The following TBCK variants were observed in gnomAD, a reference collection of about 807,000 sequenced individuals.
The protein encoded by TBCK is TBC1 domain containing kinase.
TBCK carries 99 observed loss-of-function variants against 113.4 expected under a neutral mutation model. The ratio of observed to expected loss-of-function variants is 0.87; its 90% confidence interval spans 0.74 to 1.03. The LOEUF is 1.03. TBCK is among the 50% of genes least tolerant of loss of function. The pLI is 0.00. For missense variants in TBCK, 1,045 were observed against 1,061.3 expected (o/e 0.98, Z 0.21); for synonymous variants, 369 against 370.8 (o/e 1.00, Z 0.05).
At position 106,047,718 on chromosome 4, in the gene TBCK, G is replaced by T. The variant is rs966749383; in HGVS notation, c.2572-1038C>A. Among the ~76,000 whole-genome samples the T allele has an allele frequency of 2.0e-5, 3 of 152,160 alleles. No individual in the cohort carries two copies. In the South Asian group the frequency reaches 6.2e-4, roughly 32 times the overall value. ...TCTTGGTAGCTGGCAGATGGTAGGG[G>T]CTCAATATATGTTTGCTGGATTGAA... On this transcript the variant is annotated intron_variant, in intron 25 of 25. Transcript: ENST00000394708.
intron 10 of TBCK, among the ~76,000 whole-genome samples, chr4:106,244,988 T>G (rs1760636657): frequency 6.6e-6 from 1 of 151,826 alleles, no homozygotes; most frequent in African/African-American, 2.4e-5. Flanking sequence ...GTAAGAGAGG[T>G]GAGGACATAG....
chr4:106,086,960 A>C (rs1466375427), intron 25 of TBCK, among the ~76,000 whole-genome samples: 30 of 152,172 alleles, frequency 2.0e-4, no homozygotes, highest in Admixed American at 2.0e-3. Flanking sequence ...TTTATGACAA[A>C]CTCACAGCCA....
At chr4:106,186,055 C>A (rs1177034912) in intron 22 of TBCK, among the ~76,000 whole-genome samples, 1 of 152,098 alleles carries the variant, frequency 6.6e-6, no homozygotes, top group Non-Finnish European at 1.5e-5. Flanking sequence ...CTGCAAAGGG[C>A]ATGATCTCAT....
intron 11 of TBCK, among the ~76,000 whole-genome samples, chr4:106,243,249 G>C (rs183642769): frequency 6.6e-4 from 100 of 152,138 alleles, no homozygotes; most frequent in Non-Finnish European, 1.2e-3. Context: ...ACAACCCTTT[G>C]TTCATGCAGT....
intron 3 of TBCK, among the ~76,000 whole-genome samples, chr4:106,278,611 T>C (rs1438142675): frequency 7.0e-6 from 1 of 142,900 alleles, no homozygotes; most frequent in African/African-American, 2.6e-5. Flanking sequence ...AAATACATAA[T>C]TAAATGGAAA....
chr4:106,119,758 T>C (rs1744019998), intron 23 of TBCK, among the ~76,000 whole-genome samples: 2 of 152,128 alleles, frequency 1.3e-5, no homozygotes, highest in African/African-American at 4.8e-5. Context: ...GTGCAAACTC[T>C]CCATCAGACA....
chr4:106,154,866 G>A (rs1388381597), intron 23 of TBCK, among the ~76,000 whole-genome samples: 1 of 152,010 alleles, frequency 6.6e-6, no homozygotes, highest in African/African-American at 2.4e-5. Flanking sequence ...TCATCATTTT[G>A]TCTTCCTAGT....
chr4:106,049,716 C>T (rs1419097600), intron 25 of TBCK, among the ~76,000 whole-genome samples: 1 of 152,004 alleles, frequency 6.6e-6, no homozygotes, highest in Non-Finnish European at 1.5e-5. Context: ...CAAATCTACA[C>T]TTACTGAGCA....
intron 2 of TBCK, among the ~76,000 whole-genome samples, chr4:106,307,167 A>G (rs1767611888): frequency 6.6e-6 from 1 of 152,140 alleles, no homozygotes; most frequent in African/African-American, 2.4e-5. Flanking sequence ...AACATGTACA[A>G]TCTTTCAAAA....
At chr4:106,198,917 C>G (rs1754565439) in intron 20 of TBCK, among the ~76,000 whole-genome samples, 1 of 152,018 alleles carries the variant, frequency 6.6e-6, no homozygotes, top group South Asian at 2.1e-4. Flanking sequence ...GAGCTTATGG[C>G]CTTTCCTATC....
chr4:106,053,105 C>T (rs547629770), intron 25 of TBCK, among the ~76,000 whole-genome samples: 1 of 151,648 alleles, frequency 6.6e-6, no homozygotes, highest in Admixed American at 6.6e-5. Flanking sequence ...TCTTCCCCTC[C>T]CTCTCTTTGT....
At chr4:106,222,526 G>A (rs1268838322) in intron 19 of TBCK, among the ~76,000 whole-genome samples, 1 of 152,126 alleles carries the variant, frequency 6.6e-6, no homozygotes, top group East Asian at 1.9e-4. Flanking sequence ...AGGATAAGAA[G>A]ATGAAAGATG....
intron 23 of TBCK, among the ~76,000 whole-genome samples, chr4:106,152,378 T>C (rs1054644792): frequency 6.6e-6 from 1 of 152,066 alleles, no homozygotes; most frequent in African/African-American, 2.4e-5. Context: ...TGATATGACA[T>C]AACACATTAA....
chr4:106,214,333 G>C (rs921842043), intron 19 of TBCK, among the ~76,000 whole-genome samples: 2 of 151,904 alleles, frequency 1.3e-5, no homozygotes, highest in Non-Finnish European at 2.9e-5. Context: ...AAAGGAACGC[G>C]GCTCCTCACC....
intron 25 of TBCK, among the ~76,000 whole-genome samples, chr4:106,062,755 A>G (rs1736190481): frequency 2.6e-5 from 4 of 151,902 alleles, no homozygotes; most frequent in Admixed American, 2.6e-4. Flanking sequence ...ATCCTGTGTC[A>G]GGTCACAAAT....
intron 24 of TBCK, among the ~76,000 whole-genome samples, chr4:106,112,608 A>C (rs961834785): frequency 3.3e-5 from 5 of 152,096 alleles, no homozygotes; most frequent in Non-Finnish European, 7.4e-5. Context: ...CTGTTTATTT[A>C]TTGCAGAACC....
intron 23 of TBCK, among the ~76,000 whole-genome samples, chr4:106,155,145 AT>A (rs77812482): frequency 7.8e-4 from 114 of 146,344 alleles, no homozygotes; most frequent in Middle Eastern, 3.6e-3. Flanking sequence ...CTAGGGTAAA[AT>A]TTTTTTTTTT....
In TBCK at chr4:106,076,451, A is replaced by T. The variant is rs144566996; in HGVS notation, c.2571+19031T>A. On this transcript the variant is annotated intron_variant, in intron 25 of 25. Coordinates refer to ENST00000394708, the MANE Select transcript of TBCK (RefSeq NM_001163435.3). ...AAAAAATAATAATTTAACAACTTAC[A>T]TCAAAATAATATAGACACTATGGCT... Among the ~76,000 whole-genome samples the T allele has an allele frequency of 1.1e-4, 17 of 152,344 alleles. No individual in the cohort carries two copies. In the East Asian group the frequency reaches 3.1e-3, roughly 28 times the overall value.
intron 25 of TBCK, among the ~76,000 whole-genome samples, chr4:106,048,839 A>C (rs192912136): frequency 6.6e-6 from 1 of 152,158 alleles, no homozygotes; most frequent in Non-Finnish European, 1.5e-5. Flanking sequence ...CCTAACAACC[A>C]GGCTGCTACT....
Sources: gnomAD v4.1 joint callset for allele counts (sites outside exome capture counted in the v4.1 genomes callset) on GRCh38, gnomAD v4.1.1 for gene constraint, MANE v1.5 for transcripts, NCBI Gene and HGNC (gene_info 2026-07-23, HGNC 2026-07-21) for gene names.